The following DPP10 variants were observed in gnomAD, a reference collection of about 807,000 sequenced individuals.
The protein encoded by DPP10 is inactive dipeptidyl peptidase 10.
DPP10 carries 33 observed loss-of-function variants against 120.9 expected under a neutral mutation model. The observed-to-expected ratio is 0.27, with a 90% CI of 0.21 to 0.37. The LOEUF is 0.37. DPP10 is among the 10% of genes least tolerant of loss of function. DPP10 has a pLI of 1.00. For missense variants in DPP10, 816 were observed against 942.8 expected (o/e 0.87, Z 1.76); for synonymous variants, 337 against 326.1 (o/e 1.03, Z -0.36).
At chr2:115,333,241 A>G (rs369958185) in intron 2 of DPP10, among the ~76,000 whole-genome samples, 36 of 152,070 alleles carry the variant, frequency 2.4e-4, no homozygotes, top group East Asian at 2.3e-3. Context: ...CACTAGGATT[A>G]CAACCCCTGC....
At chr2:114,567,841 C>T (rs1689320098) in intron 1 of DPP10, among the ~76,000 whole-genome samples, 1 of 152,054 alleles carries the variant, frequency 6.6e-6, no homozygotes. Flanking sequence ...ACGGGAACAA[C>T]ACACACTGGG....
At chr2:115,742,714 A>C (rs563039491) in intron 9 of DPP10, among the ~76,000 whole-genome samples, 2 of 152,266 alleles carry the variant, frequency 1.3e-5, no homozygotes, top group Admixed American at 1.3e-4. Flanking sequence ...TTGCTGTAAC[A>C]AATGTATTGT....
chr2:115,068,984 C>A (rs2901277), intron 1 of DPP10, among the ~76,000 whole-genome samples: 121,919 of 151,962 alleles, frequency 0.8, 49,129 homozygotes, highest in South Asian at 0.86. Flanking sequence ...TATATTTCAA[C>A]ATCTGGTAGT....
intron 1 of DPP10, among the ~76,000 whole-genome samples, chr2:114,487,861 C>T (rs551815235): frequency 4.7e-4 from 72 of 152,176 alleles, no homozygotes; most frequent in African/African-American, 1.7e-3. Flanking sequence ...CAACAGCAAT[C>T]GGAAGTGATT....
chr2:115,500,048 T>G (rs1435310783), intron 4 of DPP10, among the ~76,000 whole-genome samples: 1 of 151,984 alleles, frequency 6.6e-6, no homozygotes, highest in Non-Finnish European at 1.5e-5. Context: ...TCAGCTGAGG[T>G]TGATGTGTTT....
chr2:115,791,964 T>C (rs2149916772), intron 19 of DPP10, among the ~76,000 whole-genome samples: 1 of 152,324 alleles, frequency 6.6e-6, no homozygotes. Context: ...ATTTCCCTTA[T>C]TAATATGATC....
intron 11 of DPP10, among the ~76,000 whole-genome samples, chr2:115,755,404 A>C (rs982327656): frequency 8.5e-5 from 13 of 152,082 alleles, no homozygotes; most frequent in Admixed American, 8.5e-4. Context: ...GCATCAGAAC[A>C]GATATTAGGG....
intron 4 of DPP10, among the ~76,000 whole-genome samples, chr2:115,505,480 C>T (rs1240012984): frequency 6.6e-6 from 1 of 152,058 alleles, no homozygotes; most frequent in East Asian, 1.9e-4. Context: ...AGACAGGATG[C>T]TGGAAACCAA....
chr2:115,619,362 A>G (rs190228946), intron 5 of DPP10, among the ~76,000 whole-genome samples: 205 of 152,098 alleles, frequency 1.3e-3, no homozygotes, highest in Non-Finnish European at 2.5e-3. Context: ...GACGTGAGCC[A>G]TCGTGCCTGG....
At chr2:114,499,733 G>A (rs1682996673) in intron 1 of DPP10, among the ~76,000 whole-genome samples, 1 of 152,196 alleles carries the variant, frequency 6.6e-6, no homozygotes, top group Admixed American at 6.5e-5. Flanking sequence ...AAACAGGGTA[G>A]CAAGAAGGAC....
intron 3 of DPP10, among the ~76,000 whole-genome samples, chr2:115,413,638 G>A (rs778168131): frequency 2.6e-4 from 39 of 152,132 alleles, no homozygotes; most frequent in Non-Finnish European, 5.1e-4. Flanking sequence ...TTATCATCAT[G>A]ACTCTGCAAA....
At chr2:115,163,800 G>T (rs2052619493) in intron 1 of DPP10, among the ~76,000 whole-genome samples, 1 of 152,286 alleles carries the variant, frequency 6.6e-6, no homozygotes, top group South Asian at 2.1e-4. Flanking sequence ...TTGAGGCGCT[G>T]CAAACAGTTC....
intron 1 of DPP10, among the ~76,000 whole-genome samples, chr2:114,822,657 G>A (rs1686200706): frequency 6.6e-6 from 1 of 151,552 alleles, no homozygotes; most frequent in Non-Finnish European, 1.5e-5. Context: ...TTTGCACAAT[G>A]TGCAAGTTCG....
At chr2:115,569,131 A>G (rs2149082608) in intron 5 of DPP10, among the ~76,000 whole-genome samples, 1 of 152,300 alleles carries the variant, frequency 6.6e-6, no homozygotes, top group South Asian at 2.1e-4. Flanking sequence ...CAGATGAAAA[A>G]CCACGTTACA....
chr2:115,319,756 CA>C (rs1177770285), intron 2 of DPP10, among the ~76,000 whole-genome samples: 1 of 152,088 alleles, frequency 6.6e-6, no homozygotes, highest in Non-Finnish European at 1.5e-5. Context: ...AGTCCAAGAT[CA>C]AGGTTCTAGC....
rs1436414231 is a variant in DPP10, at chr2:114,670,424, G to A, written c.60+227586G>A. Among the ~76,000 whole-genome samples, 16 of 151,780 alleles carry A rather than the reference G, an allele frequency of 1.1e-4. No homozygotes were observed. In the East Asian group the frequency reaches 1.2e-3, roughly 11 times the overall value. ...AAATCATCATTCTCAGTAAACTATC[G>A]CAAGGACAAAAAACCAAACACCGCA... On this transcript the variant is annotated intron_variant, in intron 1 of 25. Coordinates refer to ENST00000410059, the MANE Select transcript of DPP10 (RefSeq NM_020868.6).
intron 1 of DPP10, among the ~76,000 whole-genome samples, chr2:114,526,392 T>C (rs1176791278): frequency 1.3e-5 from 2 of 152,216 alleles, no homozygotes; most frequent in African/African-American, 4.8e-5. Flanking sequence ...TATAATCTTG[T>C]TTCTCATTTT....
chr2:114,958,965 G>T (rs1009693407), intron 1 of DPP10, among the ~76,000 whole-genome samples: 1 of 152,164 alleles, frequency 6.6e-6, no homozygotes, highest in South Asian at 2.1e-4. Context: ...TACAGCAAAT[G>T]ATTTTCAGAT....
intron 1 of DPP10, among the ~76,000 whole-genome samples, chr2:114,536,083 G>A (rs940644114): frequency 2.6e-5 from 4 of 152,104 alleles, no homozygotes; most frequent in Non-Finnish European, 4.4e-5. Context: ...GTTGGGCTCA[G>A]AGCCCCTTCT....
Sources: allele counts gnomAD v4.1 joint callset (sites outside exome capture counted in the v4.1 genomes callset), GRCh38; gene constraint gnomAD v4.1.1; transcripts MANE v1.5; gene names NCBI Gene and HGNC (gene_info 2026-07-23, HGNC 2026-07-21).